Variants in GALNT14 observed in about 807,000 individuals in gnomAD.
GALNT14 encodes the protein UDP-GalNAc:polypeptide N-acetylgalactosaminyltransferase 14.
A neutral mutation model predicts 77.5 loss-of-function variants in GALNT14; 60 were observed. The observed-to-expected ratio is 0.77, with a 90% confidence interval of 0.63 to 0.96. GALNT14 has a LOEUF of 0.96. GALNT14 is among the 40% of genes least tolerant of loss of function. The pLI is 0.00. For missense variants in GALNT14, 710 were observed against 731.0 expected (o/e 0.97, Z 0.33); for synonymous variants, 280 against 281.7 (o/e 0.99, Z 0.06).
chr2:30,942,355 C>T (rs560242618), intron 8 of GALNT14, 51 bp from the exon 9 acceptor site: 1 of 1,402,038 alleles, frequency 7.1e-7, no homozygotes, highest in Non-Finnish European at 1.0e-6. Context: ...GGGGAGATCA[C>T]TCTCAAATTC....
At chr2:30,891,308 G>A in the GALNT14 span, among the ~76,000 whole-genome samples, 1 of 152,152 alleles carries the variant, frequency 6.6e-6, no homozygotes, top group South Asian at 2.1e-4. Context: ...CTGTGTGAGT[G>A]CCTGTGCTAG....
rs1375382527 is a variant in GALNT14, at chr2:30,942,401, T to C, written c.828-97A>G. The C allele has an allele frequency of 2.0e-5, 17 of 868,972 alleles. No homozygotes were observed. In the South Asian group the frequency reaches 2.3e-4, roughly 12 times the overall value. 53.8% of individuals were successfully genotyped at this position (868,972 alleles called of 1,614,324 possible). A position where few individuals can be genotyped will look rare whatever the true frequency, so the allele number is the denominator to read the frequency against. On this transcript the variant is annotated intron_variant, in intron 8 of 14. Coordinates refer to ENST00000349752, the MANE Select transcript of GALNT14 (RefSeq NM_024572.4). Reference sequence around the variant, plus strand: ...TGAGTCTGAAACACCCATTTCCCATTTGGGGAAAGAAAACCCCATTGAGGG... The same window carrying C: ...TGAGTCTGAAACACCCATTTCCCATCTGGGGAAAGAAAACCCCATTGAGGG...
chr2:30,950,162 G>A (rs1311651743), intron 6 of GALNT14, among the ~76,000 whole-genome samples: 1 of 152,144 alleles, frequency 6.6e-6, no homozygotes, highest in African/African-American at 2.4e-5. Flanking sequence ...GAATATGTAA[G>A]CTATGATTTA....
In GALNT14 at chr2:30,924,837, G is replaced by C. The variant is rs371444620; in HGVS notation, c.1152-14C>G. ...CTGCTCTCAACACTGGGGGCAACGGGGTTGTGGACAGACACAAAGACAAAA... is the reference window on the plus strand; with the variant it reads ...CTGCTCTCAACACTGGGGGCAACGGCGTTGTGGACAGACACAAAGACAAAA... On this transcript the variant is annotated splice_polypyrimidine_tract_variant and intron_variant, in intron 11 of 14. Coordinates refer to ENST00000349752, the MANE Select transcript of GALNT14 (RefSeq NM_024572.4). The C allele has an allele frequency of 8.1e-6, 13 of 1,610,942 alleles. No individual in the cohort carries two copies. Among genetic ancestry groups the C allele is most frequent in the Non-Finnish European group, 9.3e-6 (11 of 1,177,964 alleles).
chr2:30,930,209 G>A (rs1010071919), intron 10 of GALNT14, among the ~76,000 whole-genome samples: 2 of 152,204 alleles, frequency 1.3e-5, no homozygotes, highest in South Asian at 2.1e-4. Context: ...GTAACCAAGA[G>A]TGCAAAGGCA....
chr2:30,917,162 C>T (rs994862827), intron 13 of GALNT14, among the ~76,000 whole-genome samples: 4 of 150,968 alleles, frequency 2.6e-5, no homozygotes, highest in Non-Finnish European at 5.9e-5. Flanking sequence ...TTGGAATGGC[C>T]CAGGGCCCCT....
intron 2 of GALNT14, among the ~76,000 whole-genome samples, chr2:30,970,952 C>A (rs1039192441): frequency 2.6e-5 from 4 of 152,150 alleles, no homozygotes; most frequent in Non-Finnish European, 4.4e-5. Flanking sequence ...TGCTGAGTAA[C>A]TGGGGTGAGG....
intron 6 of GALNT14, among the ~76,000 whole-genome samples, chr2:30,953,212 A>G (rs1472579032): frequency 6.6e-6 from 1 of 152,118 alleles, no homozygotes; most frequent in African/African-American, 2.4e-5. Flanking sequence ...TGGGGAGGTA[A>G]AGGTTCCTGC....
At chr2:31,056,489 T>C (rs1674214821) in intron 1 of GALNT14, among the ~76,000 whole-genome samples, 1 of 152,160 alleles carries the variant, frequency 6.6e-6, no homozygotes, top group South Asian at 2.1e-4. Context: ...CCAGACATTA[T>C]GACCCAGATC....
chr2:31,079,409 C>A (rs1676017942), intron 1 of GALNT14, among the ~76,000 whole-genome samples: 2 of 152,198 alleles, frequency 1.3e-5, no homozygotes, highest in Non-Finnish European at 2.9e-5. Flanking sequence ...CTCCTTACCT[C>A]TGAGGAAGAG....
intron 1 of GALNT14, among the ~76,000 whole-genome samples, chr2:31,071,569 A>C (rs1369700517): frequency 6.6e-6 from 1 of 151,958 alleles, no homozygotes; most frequent in Non-Finnish European, 1.5e-5. Flanking sequence ...TGGTGGAGGC[A>C]CTGTGAGTTC....
chr2:31,002,569 A>C (rs1365101758), intron 1 of GALNT14, among the ~76,000 whole-genome samples: 6 of 152,192 alleles, frequency 3.9e-5, no homozygotes, highest in Non-Finnish European at 7.3e-5. Context: ...TAAAAATACA[A>C]AAGTATCTGC....
downstream of GALNT14, among the ~76,000 whole-genome samples, chr2:30,909,743 A>G (rs1664253663): frequency 6.6e-6 from 1 of 152,068 alleles, no homozygotes. Flanking sequence ...TCATGCTGCT[A>G]TAAAGACACA....
At chr2:31,123,603 T>TAAATCC (rs1172107062) in intron 1 of GALNT14, among the ~76,000 whole-genome samples, 4 of 152,180 alleles carry the variant, frequency 2.6e-5, no homozygotes, top group African/African-American at 9.7e-5. Flanking sequence ...AAGACCTCCC[T>TAAATCC]AAATCCTTCT....
intron 1 of GALNT14, among the ~76,000 whole-genome samples, chr2:31,054,703 C>T (rs1174455348): frequency 6.6e-6 from 1 of 152,194 alleles, no homozygotes; most frequent in Non-Finnish European, 1.5e-5. Flanking sequence ...CATTTGTTTG[C>T]TTATCCTTGA....
chr2:31,071,606 C>A (rs931813712), intron 1 of GALNT14, among the ~76,000 whole-genome samples: 2 of 152,124 alleles, frequency 1.3e-5, no homozygotes, highest in African/African-American at 4.8e-5. Flanking sequence ...GGGCCTACCT[C>A]TCCTGCCCTG....
At chr2:30,962,697 G>C (rs552429156) in intron 3 of GALNT14, among the ~76,000 whole-genome samples, 130 of 152,214 alleles carry the variant, frequency 8.5e-4, no homozygotes, top group Non-Finnish European at 1.1e-3. Flanking sequence ...ACGTGAGCCT[G>C]TCTAGTCCCC....
In GALNT14 at chr2:30,929,527, C is replaced by T; in HGVS notation, c.1059-40G>A. 3.3e-6 allele frequency: 5 copies of T among 1,503,380 alleles called. No individual in the cohort carries two copies. The South Asian group carries it at 4.6e-5, about 14-fold the overall frequency. 93.1% of individuals were successfully genotyped at this position (1,503,380 alleles called of 1,614,324 possible). A position where few individuals can be genotyped will look rare whatever the true frequency, so the allele number is the denominator to read the frequency against. On this transcript the variant is annotated intron_variant, in intron 10 of 14. Transcript: ENST00000349752. ...AGTGACAAGGGGTGTCAGTAAGGGG[C>T]TGTCTGAGAGGCCCTGTGAGTGCCA...
intron 1 of GALNT14, among the ~76,000 whole-genome samples, chr2:30,995,469 C>T (rs1220603463): frequency 6.6e-6 from 1 of 152,140 alleles, no homozygotes; most frequent in Non-Finnish European, 1.5e-5. Context: ...TATCCTATGA[C>T]ATTCACACAC....
Sources: allele counts gnomAD v4.1 joint callset (sites outside exome capture counted in the v4.1 genomes callset), GRCh38; gene constraint gnomAD v4.1.1; transcripts MANE v1.5; gene names NCBI Gene and HGNC (gene_info 2026-07-23, HGNC 2026-07-21).